GPC5: variants seen among roughly 807,000 people sequenced by gnomAD.
GPC5 encodes the protein glypican-5.
GPC5 carries 47 observed loss-of-function variants against 53.9 expected under a neutral mutation model. The ratio of observed to expected loss-of-function variants is 0.87; its 90% CI spans 0.69 to 1.11. The LOEUF (loss-of-function observed/expected upper bound fraction) is 1.11, where lower values mean the gene tolerates loss of function less well. GPC5 is among the 50% of genes most tolerant of loss of function. The pLI is 0.00. For missense variants in GPC5, 748 were observed against 713.1 expected (o/e 1.05, Z -0.56); for synonymous variants, 286 against 263.3 (o/e 1.09, Z -0.84).
chr13:91,468,513 T>A lies in GPC5; in HGVS notation c.325+19591T>A, dbSNP rs1882391849. On this transcript the variant is annotated intron_variant, in intron 2 of 7. Transcript: ENST00000377067. ...AAATATGTACAGAGGAAAGATGATA[T>A]GAGGACAGAGGAATGCCATCTTCAA... 2.0e-5 allele frequency among the ~76,000 whole-genome samples: 3 copies of A among 152,118 alleles called. No homozygotes were observed. The South Asian group carries it at 6.2e-4, about 32-fold the overall frequency.
chr13:92,496,737 G>A (rs950261190), intron 7 of GPC5, among the ~76,000 whole-genome samples: 2 of 152,140 alleles, frequency 1.3e-5, no homozygotes, highest in African/African-American at 4.8e-5. Flanking sequence ...ACAGACAGAG[G>A]AGAGGTCTCA....
chr13:91,433,300 G>A (rs1427324599), intron 1 of GPC5, among the ~76,000 whole-genome samples: 3 of 151,400 alleles, frequency 2.0e-5, no homozygotes, highest in African/African-American at 7.3e-5. Flanking sequence ...GCTGCACCCA[G>A]TAACTCGTCA....
intron 1 of GPC5, among the ~76,000 whole-genome samples, chr13:91,415,594 C>T (rs1462674640): frequency 1.3e-5 from 2 of 152,272 alleles, no homozygotes; most frequent in South Asian, 4.1e-4. Context: ...CCTTCCTTCT[C>T]TTCCCCCATT....
chr13:92,417,139 A>G (rs1876342483), intron 7 of GPC5, among the ~76,000 whole-genome samples: 1 of 152,220 alleles, frequency 6.6e-6, no homozygotes. Context: ...AAAAAAAATC[A>G]TAAGTCAAAC....
chr13:92,569,856 A>C (rs1463796310), intron 7 of GPC5, among the ~76,000 whole-genome samples: 2 of 152,234 alleles, frequency 1.3e-5, no homozygotes, highest in Admixed American at 6.5e-5. Context: ...GCACGGAACT[A>C]TCAGGAGCCT....
At chr13:91,746,712 A>G (rs186388287) in intron 4 of GPC5, among the ~76,000 whole-genome samples, 4 of 152,354 alleles carry the variant, frequency 2.6e-5, no homozygotes, top group Non-Finnish European at 4.4e-5. Context: ...GTTTGAAACT[A>G]TATGTCAGCC....
At chr13:92,422,780 A>G (rs1350379683) in intron 7 of GPC5, among the ~76,000 whole-genome samples, 1 of 152,160 alleles carries the variant, frequency 6.6e-6, no homozygotes, top group Non-Finnish European at 1.5e-5. Context: ...AATTTCTAAG[A>G]CCAAAAGATA....
intron 2 of GPC5, 45 bp downstream of exon 2, chr13:91,448,967 G>A (rs773041661): frequency 1.9e-6 from 3 of 1,588,512 alleles, no homozygotes; most frequent in South Asian, 2.3e-5. Flanking sequence ...GCCGTGTTAT[G>A]TAATTTGCCT....
chr13:92,014,600 A>T (rs539560943), intron 6 of GPC5, among the ~76,000 whole-genome samples: 1 of 152,228 alleles, frequency 6.6e-6, no homozygotes, highest in South Asian at 2.1e-4. Context: ...TATGTTCCTA[A>T]TCCATTCTGG....
chr13:92,844,034 T>C (rs1053020108), intron 7 of GPC5, among the ~76,000 whole-genome samples: 6 of 151,546 alleles, frequency 4.0e-5, no homozygotes, highest in African/African-American at 1.2e-4. Flanking sequence ...AGGTGTCTAC[T>C]CCAACCACCT....
chr13:92,013,113 C>T (rs2040676611), intron 6 of GPC5, among the ~76,000 whole-genome samples: 1 of 152,202 alleles, frequency 6.6e-6, no homozygotes, highest in Non-Finnish European at 1.5e-5. Flanking sequence ...GTGGCAGCTG[C>T]CCTCTGCCAG....
chr13:92,186,964 T>C (rs1412875370), intron 7 of GPC5, among the ~76,000 whole-genome samples: 2 of 151,986 alleles, frequency 1.3e-5, no homozygotes, highest in Non-Finnish European at 2.9e-5. Flanking sequence ...ATACAAAAAT[T>C]AGCCGGGCGT....
At chr13:92,213,445 C>A (rs370299044) in intron 7 of GPC5, among the ~76,000 whole-genome samples, 1 of 152,172 alleles carries the variant, frequency 6.6e-6, no homozygotes, top group East Asian at 1.9e-4. Flanking sequence ...GGAACACTTA[C>A]CTCTGAGAAT....
chr13:92,239,363 CAAT>C, intron 7 of GPC5, among the ~76,000 whole-genome samples: 1 of 151,952 alleles, frequency 6.6e-6, no homozygotes, highest in East Asian at 1.9e-4. Flanking sequence ...TTTTATTCAA[CAAT>C]GTTTCTAATA....
intron 7 of GPC5, among the ~76,000 whole-genome samples, chr13:92,370,018 G>T (rs1298976387): frequency 6.6e-6 from 1 of 152,080 alleles, no homozygotes. Flanking sequence ...TCCTTAAATT[G>T]CTCCTTCTCT....
intron 7 of GPC5, among the ~76,000 whole-genome samples, chr13:92,341,055 GC>G (rs1286167775): frequency 6.6e-6 from 1 of 152,024 alleles, no homozygotes; most frequent in Non-Finnish European, 1.5e-5. Flanking sequence ...CATATTTTAA[GC>G]AATCTTTGCT....
Position 92,626,030 on chromosome 13 carries a change from A to G in GPC5, c.1562-240252A>G, listed in dbSNP as rs139735495. On this transcript the variant is annotated intron_variant, in intron 7 of 7. Coordinates refer to ENST00000377067, the MANE Select transcript of GPC5 (RefSeq NM_004466.6). ...ACTTTTCCATCTCATTGCAATGAAA[A>G]TGTCTCCTGCTTTAATCATAACCAT... Among the ~76,000 whole-genome samples, 15 of 152,362 alleles carry G rather than the reference A, an allele frequency of 9.8e-5. No homozygotes were observed. In the East Asian group the frequency reaches 2.9e-3, roughly 29 times the overall value.
At chr13:92,526,614 TA>T (rs1395849622) in intron 7 of GPC5, among the ~76,000 whole-genome samples, 1 of 151,964 alleles carries the variant, frequency 6.6e-6, no homozygotes, top group African/African-American at 2.4e-5. Flanking sequence ...GCAGATGACC[TA>T]ATCAGACCTT....
chr13:92,660,497 A>G, intron 7 of GPC5, among the ~76,000 whole-genome samples: 1 of 152,180 alleles, frequency 6.6e-6, no homozygotes, highest in East Asian at 1.9e-4. Flanking sequence ...ATATATACAT[A>G]TATATGCACA....
Sources: allele counts gnomAD v4.1 joint callset (sites outside exome capture counted in the v4.1 genomes callset), GRCh38; gene constraint gnomAD v4.1.1; transcripts MANE v1.5; gene names NCBI Gene and HGNC (gene_info 2026-07-23, HGNC 2026-07-21).